The following MYO9B variants were observed in gnomAD, a reference collection of about 807,000 sequenced individuals.
The protein encoded by MYO9B is unconventional myosin-IXb.
Under a neutral mutation model 229.5 loss-of-function variants are expected in MYO9B, and 71 were observed. That is an observed-to-expected ratio of 0.31 (90% confidence interval 0.26 to 0.38). The LOEUF is 0.38. Among genes scored for constraint, MYO9B ranks in the 10% least tolerant of loss-of-function variants. The probability of loss-of-function intolerance (pLI) is 1.00; values close to 1 mark genes in which losing one functional copy is unlikely to be tolerated. For synonymous variants in MYO9B, 1,185 were observed against 1,235.8 expected (o/e 0.96, Z 0.86); for missense variants, 2,255 against 2,920.5 (o/e 0.77, Z 5.25).
In MYO9B at chr19:17,182,933, G is replaced by A. The variant is rs372306525; in HGVS notation, c.2334-896G>A. ...AAAGAGCAGCTTTGGGTTTTGGGGG[G>A]GGTTTTGAGACAGAGTCTCTCTCTG... On this transcript the variant is annotated intron_variant, in intron 15 of 39. Transcript: ENST00000682292. 4.6e-5 allele frequency among the ~76,000 whole-genome samples: 7 copies of A among 152,024 alleles called. No homozygotes were observed. In the East Asian group the frequency reaches 1.2e-3, roughly 25 times the overall value.
At chr19:17,208,350 A>AGC (rs1411345183) in intron 35 of MYO9B, among the ~76,000 whole-genome samples, 4 of 106,434 alleles carry the variant, frequency 3.8e-5, no homozygotes, top group African/African-American at 1.4e-4. Flanking sequence ...AAAAAAAAAA[A>AGC]AAAATCCAGA....
intron 1 of MYO9B, among the ~76,000 whole-genome samples, chr19:17,080,990 G>A (rs1947338823): frequency 6.6e-6 from 1 of 152,084 alleles, no homozygotes; most frequent in Non-Finnish European, 1.5e-5. Context: ...ATAATACTGA[G>A]AAAAGGACAA....
In MYO9B at chr19:17,150,750, A is replaced by G. The variant is rs972561132; in HGVS notation, c.936-1894A>G. Among the ~76,000 whole-genome samples the G allele has an allele frequency of 2.8e-5, 4 of 141,668 alleles. 1 individual carries two copies. The highest frequency in any genetic ancestry group is 7.1e-5 in the Admixed American group (1 of 14,012). 92.9% of individuals were successfully genotyped at this position (141,668 alleles called of 152,430 possible). ...CCTCAGGAGCCACCGTGCCTGCCCC[A>G]GTATGGAAGAGGAGTCCCTGAGAAA... On this transcript the variant is annotated intron_variant, in intron 3 of 39. Transcript: ENST00000682292.
At chr19:17,086,078 C>G (rs779855401) in intron 1 of MYO9B, among the ~76,000 whole-genome samples, 5 of 152,318 alleles carry the variant, frequency 3.3e-5, no homozygotes, top group Non-Finnish European at 7.4e-5. Context: ...CGTGCTTCCA[C>G]CAAGGCCCCC....
In MYO9B at chr19:17,172,565, G is replaced by C. The variant is rs915012895; in HGVS notation, c.1935+88G>C. The C allele has an allele frequency of 2.6e-6, 4 of 1,552,078 alleles. No individual in the cohort carries two copies. Among genetic ancestry groups the C allele is most frequent in the African/African-American group, 1.4e-5 (1 of 73,580 alleles). The stretch of plus-strand genomic sequence containing the variant: ...CATGTGGGAGGATCCTCCTGTGGGC[G>C]AGGTTCCAGGGTGCTCAGAACCCAC... On this transcript the variant is annotated intron_variant, in intron 12 of 39. Coordinates refer to ENST00000682292, the MANE Select transcript of MYO9B (RefSeq NM_004145.4). The surrounding 1 kb of genome is among the most constrained non-coding windows in gnomAD (Gnocchi z 8.2).
chr19:17,189,060 C>CT (rs2072951744), intron 19 of MYO9B, among the ~76,000 whole-genome samples: 1 of 151,328 alleles, frequency 6.6e-6, no homozygotes, highest in Non-Finnish European at 1.5e-5. Context: ...ACTTGGGAGG[C>CT]TGAGGCAGGA....
intron 2 of MYO9B, among the ~76,000 whole-genome samples, chr19:17,104,043 G>A (rs1334009056): frequency 1.2e-4 from 14 of 118,700 alleles, no homozygotes; most frequent in Non-Finnish European, 1.9e-4. Flanking sequence ...GTGACAGAGC[G>A]AAACTCCATC....
intron 2 of MYO9B, among the ~76,000 whole-genome samples, chr19:17,127,620 T>C (rs4808574): frequency 0.7 from 106,011 of 152,094 alleles, 37,485 homozygotes; most frequent in African/African-American, 0.81. Flanking sequence ...TGAGCCACCA[T>C]ACCCAGCCCC....
chr19:17,145,890 G>C (rs953288283), intron 3 of MYO9B, among the ~76,000 whole-genome samples: 4 of 152,180 alleles, frequency 2.6e-5, no homozygotes, highest in Non-Finnish European at 5.9e-5. Context: ...AGGTGGTCGT[G>C]CATGGAAATA....
In MYO9B at chr19:17,106,574, C is replaced by T. The variant is rs530803930; in HGVS notation, c.840+4017C>T. 7.9e-5 allele frequency among the ~76,000 whole-genome samples: 12 copies of T among 152,334 alleles called. No individual in the cohort carries two copies. In the South Asian group the frequency reaches 2.1e-3, roughly 26 times the overall value. On this transcript the variant is annotated intron_variant, in intron 2 of 39. Transcript: ENST00000682292. ...CCCAGCAGGTGGCCAGGGGGCTCAACGGCTCTCCAGGCCAAAACATCAGTG... is the reference window on the plus strand; with the variant it reads ...CCCAGCAGGTGGCCAGGGGGCTCAATGGCTCTCCAGGCCAAAACATCAGTG...
At chr19:17,175,208 G>T (rs1456596241) in intron 13 of MYO9B, among the ~76,000 whole-genome samples, 1 of 151,414 alleles carries the variant, frequency 6.6e-6, no homozygotes, top group African/African-American at 2.4e-5. Flanking sequence ...AGGAGTTGGA[G>T]GTTACACGAG....
At position 17,120,103 on chromosome 19, in the gene MYO9B, A is replaced by T. The variant is rs113768511; in HGVS notation, c.840+17546A>T. Among the ~76,000 whole-genome samples, 265 of 152,290 alleles carry T rather than the reference A, an allele frequency of 1.7e-3. 1 individual carries two copies. The highest frequency in any genetic ancestry group is 6.0e-3 in the African/African-American group (251 of 41,582). On this transcript the variant is annotated intron_variant, in intron 2 of 39. Transcript: ENST00000682292. ...TGCAGGCCCATGATATGTCAAAGGC[A>T]GGATGTGTAAACCAAGATGGAGGTG...
intron 2 of MYO9B, among the ~76,000 whole-genome samples, chr19:17,138,340 GA>G (rs1399206232): frequency 1.3e-4 from 20 of 152,146 alleles, no homozygotes; most frequent in African/African-American, 4.8e-4. Flanking sequence ...TTGCTATTGT[GA>G]ATAGTGCCGC....
intron 1 of MYO9B, among the ~76,000 whole-genome samples, chr19:17,085,190 G>A (rs1267280099): frequency 1.3e-5 from 2 of 152,124 alleles, no homozygotes; most frequent in African/African-American, 4.8e-5. Context: ...TGAGACCATT[G>A]TCCCCCACCA....
chr19:17,201,540 G>A (rs976471543), intron 26 of MYO9B, among the ~76,000 whole-genome samples: 3 of 152,148 alleles, frequency 2.0e-5, no homozygotes, highest in Admixed American at 6.5e-5. Context: ...TGGGGCAGCA[G>A]GAAGGGCCTG....
chr19:17,151,536 T>C lies in MYO9B; in HGVS notation c.936-1108T>C, dbSNP rs577245509. Among the ~76,000 whole-genome samples the C allele has an allele frequency of 1.2e-3, 179 of 152,092 alleles. 1 individual carries two copies. The highest frequency in any genetic ancestry group is 3.2e-3 in the Middle Eastern group (1 of 316). On this transcript the variant is annotated intron_variant, in intron 3 of 39. Transcript: ENST00000682292. ...ATAAGAAAACCACAAAAGACGTCAA[T>C]GTATACTTCATCAGAGAAGAGCTAT...
intron 2 of MYO9B, among the ~76,000 whole-genome samples, chr19:17,137,252 C>G (rs1417912210): frequency 1.3e-5 from 2 of 148,638 alleles, no homozygotes; most frequent in Non-Finnish European, 3.0e-5. Flanking sequence ...AAGCCAGGTG[C>G]GGTGATACAT....
intron 8 of MYO9B, among the ~76,000 whole-genome samples, chr19:17,161,855 G>A (rs879922516): frequency 1.2e-4 from 19 of 152,010 alleles, no homozygotes; most frequent in Admixed American, 1.0e-3. Flanking sequence ...CAGGTGTGGT[G>A]TTGTGCGCCA....
chr19:17,134,411 A>G (rs1335896219), intron 2 of MYO9B, among the ~76,000 whole-genome samples: 1 of 34,836 alleles, frequency 2.9e-5, no homozygotes, highest in Non-Finnish European at 5.4e-5. Context: ...TTTTTTTTTG[A>G]GACAGACTCT....
Sources: allele counts gnomAD v4.1 joint callset (sites outside exome capture counted in the v4.1 genomes callset), GRCh38; gene constraint gnomAD v4.1.1; non-coding constraint Gnocchi (gnomAD v3.1); transcripts MANE v1.5; gene names NCBI Gene and HGNC (gene_info 2026-07-23, HGNC 2026-07-21).